The following PTGR2 variants were observed in gnomAD, a reference collection of about 807,000 sequenced individuals.
PTGR2 encodes the protein 15-oxoprostaglandin 13-reductase.
Under a neutral mutation model 43.4 loss-of-function variants are expected in PTGR2, and 32 were observed. The ratio of observed to expected loss-of-function variants is 0.74; its 90% CI spans 0.56 to 0.99. The LOEUF (loss-of-function observed/expected upper bound fraction) is 0.99, where lower values mean the gene tolerates loss of function less well. Among genes scored for constraint, PTGR2 ranks in the 50% least tolerant of loss-of-function variants. The pLI, the probability that PTGR2 is intolerant of heterozygous loss-of-function variation, is 0.00. For missense variants in PTGR2, 373 were observed against 420.0 expected (o/e 0.89, Z 0.98); for synonymous variants, 106 against 139.2 (o/e 0.76, Z 1.68).
At chr14:73,867,960 T>G (rs1352081530) in intron 3 of PTGR2, among the ~76,000 whole-genome samples, 1 of 152,224 alleles carries the variant, frequency 6.6e-6, no homozygotes, top group East Asian at 1.9e-4. Flanking sequence ...GTTTTGGAAT[T>G]GAGACCAATC....
Position 73,874,225 on chromosome 14 carries a change from T to C in PTGR2, c.348+11T>C, listed in dbSNP as rs753773553. 3.2e-6 allele frequency: 5 copies of C among 1,575,666 alleles called. No homozygotes were observed. In the Admixed American group the frequency reaches 7.3e-5, roughly 23 times the overall value. ...AATAGCCTTGAAAAGGTGATATATA[T>C]ATGAACATATCTGATTTTTTTTCCC... On this transcript the variant is annotated intron_variant, in intron 4 of 9. Coordinates refer to ENST00000555661, the MANE Select transcript of PTGR2 (RefSeq NM_001146154.2).
chr14:73,878,670 G>GTTGGTGGT, intron 5 of PTGR2: 90 of 464,990 alleles, frequency 1.9e-4, no homozygotes, highest in East Asian at 4.6e-4. Flanking sequence ...TTTTGACAAT[G>GTTGGTGGT]ACCATAAGGG....
At chr14:73,864,116 C>G (rs567537763) in intron 3 of PTGR2, among the ~76,000 whole-genome samples, 3 of 152,266 alleles carry the variant, frequency 2.0e-5, no homozygotes, top group South Asian at 4.1e-4. Flanking sequence ...CAAGGCTCAT[C>G]ATGTTGTAGT....
intron 3 of PTGR2, among the ~76,000 whole-genome samples, chr14:73,868,494 A>G (rs1050479522): frequency 6.1e-4 from 93 of 152,140 alleles, no homozygotes; most frequent in African/African-American, 2.2e-3. Context: ...TGTGAATCCT[A>G]GAGTAACTGT....
chr14:73,863,009 A>G (rs1208415000), intron 3 of PTGR2, among the ~76,000 whole-genome samples: 3 of 152,176 alleles, frequency 2.0e-5, no homozygotes, highest in South Asian at 2.1e-4. Context: ...ATCTGTCTCC[A>G]TATACTTAAA....
At chr14:73,875,200 G>A (rs1224201790) in intron 4 of PTGR2, among the ~76,000 whole-genome samples, 1 of 151,842 alleles carries the variant, frequency 6.6e-6, no homozygotes, top group Non-Finnish European at 1.5e-5. Context: ...GTCTTACCAT[G>A]TTGCCCAGGC....
chr14:73,876,408 G>A (rs1054711309), intron 4 of PTGR2, among the ~76,000 whole-genome samples: 1 of 151,578 alleles, frequency 6.6e-6, no homozygotes, highest in East Asian at 2.0e-4. Context: ...TTCTTGCTGT[G>A]TCCTCAGGCA....
chr14:73,853,111 G>A (rs1004478493), intron 1 of PTGR2, among the ~76,000 whole-genome samples: 1 of 151,712 alleles, frequency 6.6e-6, no homozygotes, highest in African/African-American at 2.4e-5. Flanking sequence ...GTGAGCCACG[G>A]CTCTGGGCCC....
At chr14:73,867,088 C>CAAA (rs200945001) in intron 3 of PTGR2, among the ~76,000 whole-genome samples, 59 of 100,050 alleles carry the variant, frequency 5.9e-4, no homozygotes, top group East Asian at 1.0e-3. Context: ...GACTCTGTCT[C>CAAA]AAAAAAAAAA....
At chr14:73,857,674 T>TTG (rs2054388688) in intron 1 of PTGR2, among the ~76,000 whole-genome samples, 1 of 124,536 alleles carries the variant, frequency 8.0e-6, no homozygotes, top group African/African-American at 3.0e-5. Context: ...GTTTTTTTTT[T>TTG]TTTTTTTTTT....
At chr14:73,865,078 A>G (rs1566636805) in intron 3 of PTGR2, among the ~76,000 whole-genome samples, 1 of 152,160 alleles carries the variant, frequency 6.6e-6, no homozygotes, top group Non-Finnish European at 1.5e-5. Context: ...GCACACACAT[A>G]TATATGAGAG....
chr14:73,873,891 G>T (rs2140263551), intron 3 of PTGR2, 132 bp from the exon 4 acceptor site: 2 of 601,618 alleles, frequency 3.3e-6, no homozygotes, highest in Non-Finnish European at 5.6e-6. Context: ...TTTAAGTCTT[G>T]AATGTATTTT....
chr14:73,871,341 CTTTTTTTTT>C (rs869073652), intron 3 of PTGR2, among the ~76,000 whole-genome samples: 1,011 of 67,898 alleles, frequency 0.015, 20 homozygotes, highest in African/African-American at 0.057. Flanking sequence ...GGCTGTTCAT[CTTTTTTTTT>C]TTTTTTTTTT....
chr14:73,868,559 A>G (rs750259119), intron 3 of PTGR2, among the ~76,000 whole-genome samples: 3 of 151,996 alleles, frequency 2.0e-5, no homozygotes, highest in Admixed American at 6.6e-5. Context: ...GAGTCTTGCC[A>G]TTCATATACA....
At chr14:73,865,581 A>C (rs1452532743) in intron 3 of PTGR2, among the ~76,000 whole-genome samples, 1 of 152,124 alleles carries the variant, frequency 6.6e-6, no homozygotes, top group Non-Finnish European at 1.5e-5. Flanking sequence ...ATTATCCATC[A>C]CAGGGCCCAA....
chr14:73,878,965 T>C (rs573044438), intron 5 of PTGR2, 131 bp from the exon 6 acceptor site: 1 of 703,354 alleles, frequency 1.4e-6, no homozygotes, highest in Non-Finnish European at 2.3e-6. Flanking sequence ...TTACTTTTCA[T>C]TAAAAGCAGC....
chr14:73,860,740 T>C, intron 3 of PTGR2, 83 bp downstream of exon 3: 1 of 733,264 alleles, frequency 1.4e-6, no homozygotes, highest in Non-Finnish European at 2.4e-6. Flanking sequence ...TATTGTGCAG[T>C]CCCTTATAGA....
chr14:73,872,498 G>A (rs1206726585), intron 3 of PTGR2, among the ~76,000 whole-genome samples: 1 of 152,088 alleles, frequency 6.6e-6, no homozygotes, highest in African/African-American at 2.4e-5. Context: ...ATTATTTTTT[G>A]CTGGTATAAC....
At chr14:73,880,692 T>G (rs2054965428) in intron 7 of PTGR2, among the ~76,000 whole-genome samples, 1 of 152,146 alleles carries the variant, frequency 6.6e-6, no homozygotes, top group East Asian at 1.9e-4. Flanking sequence ...AGTTATTGGC[T>G]TTGACTGGCC....
Sources: allele counts gnomAD v4.1 joint callset (sites outside exome capture counted in the v4.1 genomes callset), GRCh38; gene constraint gnomAD v4.1.1; transcripts MANE v1.5; gene names NCBI Gene and HGNC (gene_info 2026-07-23, HGNC 2026-07-21).